Variants in FHOD3 observed in about 807,000 individuals in gnomAD.
FHOD3 encodes formin homology 2 domain containing 3, also known as FH1/FH2 domain-containing protein 3.
A neutral mutation model predicts 173.0 loss-of-function variants in FHOD3; 90 were observed. The ratio of observed to expected loss-of-function variants is 0.52; its 90% CI spans 0.44 to 0.62. The LOEUF (loss-of-function observed/expected upper bound fraction) is 0.62, where lower values mean the gene tolerates loss of function less well. Ranked by LOEUF, FHOD3 falls within the 20% of genes least tolerant of loss-of-function variation. The pLI is 0.00. For missense variants in FHOD3, 1,945 were observed against 2,034.7 expected (o/e 0.96, Z 0.85); for synonymous variants, 828 against 823.0 (o/e 1.01, Z -0.10).
At chr18:36,757,768 C>G (rs2042693904) in intron 25 of FHOD3, among the ~76,000 whole-genome samples, 1 of 152,180 alleles carries the variant, frequency 6.6e-6, no homozygotes, top group Non-Finnish European at 1.5e-5. Context: ...GGGGTCCTCC[C>G]AGGCCAGGAT....
intron 1 of FHOD3, among the ~76,000 whole-genome samples, chr18:36,355,020 A>C (rs1360442218): frequency 1.3e-5 from 2 of 152,178 alleles, no homozygotes; most frequent in Non-Finnish European, 2.9e-5. Flanking sequence ...ATTGCCATTC[A>C]GTTGGAGGAT....
chr18:36,409,098 C>T (rs1266323292), intron 3 of FHOD3, among the ~76,000 whole-genome samples: 3 of 152,212 alleles, frequency 2.0e-5, no homozygotes, highest in South Asian at 4.1e-4. Context: ...AGTCTTGCGG[C>T]CCGGCAAATT....
At chr18:36,661,783 A>G (rs897237755) in intron 14 of FHOD3, among the ~76,000 whole-genome samples, 1 of 152,232 alleles carries the variant, frequency 6.6e-6, no homozygotes, top group Non-Finnish European at 1.5e-5. Flanking sequence ...AAATTAAGTC[A>G]AGGATATTAA....
intron 3 of FHOD3, among the ~76,000 whole-genome samples, chr18:36,466,888 G>GT: frequency 6.6e-6 from 1 of 150,502 alleles, no homozygotes; most frequent in Non-Finnish European, 1.5e-5. Context: ...TTTGGCTATT[G>GT]TTTTAGGCTA....
At chr18:36,389,257 T>A (rs966278548) in intron 3 of FHOD3, among the ~76,000 whole-genome samples, 5 of 152,068 alleles carry the variant, frequency 3.3e-5, no homozygotes, top group Non-Finnish European at 7.4e-5. Context: ...TTTCCTTTTT[T>A]CCTTTCTTCT....
intron 1 of FHOD3, among the ~76,000 whole-genome samples, chr18:36,307,764 C>G (rs2092141639): frequency 6.6e-6 from 1 of 152,156 alleles, no homozygotes; most frequent in African/African-American, 2.4e-5. Context: ...AAGGATTTCT[C>G]CCTTATACAA....
At chr18:36,594,929 A>T (rs369669136) in intron 7 of FHOD3, 31 bp downstream of exon 7, 3 of 1,420,510 alleles carry the variant, frequency 2.1e-6, no homozygotes, top group Non-Finnish European at 3.0e-6. Context: ...TATGTCATGA[A>T]GGTGAAGGTG....
At chr18:36,688,823 G>A (rs578174510) in intron 16 of FHOD3, among the ~76,000 whole-genome samples, 15 of 152,302 alleles carry the variant, frequency 9.8e-5, no homozygotes, top group African/African-American at 3.6e-4. Flanking sequence ...CCCAAACCAC[G>A]GAAGTCCAGC....
intron 3 of FHOD3, among the ~76,000 whole-genome samples, chr18:36,405,715 G>C (rs1401085953): frequency 6.6e-6 from 1 of 152,212 alleles, no homozygotes. Context: ...CTAGCTGTGA[G>C]GACATGTTTA....
intron 27 of FHOD3, among the ~76,000 whole-genome samples, chr18:36,765,233 C>T (rs1327217538): frequency 2.0e-5 from 3 of 152,072 alleles, no homozygotes; most frequent in Non-Finnish European, 4.4e-5. Context: ...GAGTAAGCAC[C>T]TTGAACAGAT....
chr18:36,624,314 G>A (rs2033929579), intron 9 of FHOD3, among the ~76,000 whole-genome samples: 1 of 152,200 alleles, frequency 6.6e-6, no homozygotes, highest in Non-Finnish European at 1.5e-5. Context: ...CATTTGGTGA[G>A]CCAGAGAGGG....
chr18:36,423,577 T>G (rs2050097864), intron 3 of FHOD3, among the ~76,000 whole-genome samples: 1 of 152,182 alleles, frequency 6.6e-6, no homozygotes, highest in South Asian at 2.1e-4. Flanking sequence ...CTTGCCTTAT[T>G]ATAGTGAACA....
At chr18:36,484,498 T>G (rs2054090619) in intron 3 of FHOD3, among the ~76,000 whole-genome samples, 1 of 152,094 alleles carries the variant, frequency 6.6e-6, no homozygotes, top group South Asian at 2.1e-4. Flanking sequence ...TATTAACTGG[T>G]GAAATAATAC....
intron 28 of FHOD3, among the ~76,000 whole-genome samples, chr18:36,770,084 C>G (rs1234302236): frequency 6.6e-6 from 1 of 152,216 alleles, no homozygotes. Context: ...GTCTGCCCCT[C>G]TCAGGGACAG....
chr18:36,770,876 G>T (rs1201478668), intron 28 of FHOD3, among the ~76,000 whole-genome samples: 1 of 152,112 alleles, frequency 6.6e-6, no homozygotes, highest in East Asian at 1.9e-4. Flanking sequence ...ATTAGGTGTG[G>T]GCTCTCTCTT....
chr18:36,363,272 C>A (rs1428431212), intron 2 of FHOD3, among the ~76,000 whole-genome samples: 1 of 152,308 alleles, frequency 6.6e-6, no homozygotes, highest in Non-Finnish European at 1.5e-5. Context: ...GCTTACCATA[C>A]AATTTGGCAA....
At chr18:36,308,462 G>A (rs2092161332) in intron 1 of FHOD3, among the ~76,000 whole-genome samples, 1 of 152,136 alleles carries the variant, frequency 6.6e-6, no homozygotes. Flanking sequence ...ACTGACACTT[G>A]AACTCAGAAT....
intron 5 of FHOD3, among the ~76,000 whole-genome samples, chr18:36,575,974 A>G (rs1331026786): frequency 6.6e-6 from 1 of 152,190 alleles, no homozygotes. Flanking sequence ...TTGCTGACCT[A>G]TTGGAATAAA....
chr18:36,623,259 T>C (rs1242549623), intron 9 of FHOD3, among the ~76,000 whole-genome samples: 1 of 152,258 alleles, frequency 6.6e-6, no homozygotes, highest in East Asian at 1.9e-4. Context: ...GATCCTTGGA[T>C]CTCTGAGGTT....
Sources: allele counts gnomAD v4.1 joint callset (sites outside exome capture counted in the v4.1 genomes callset), GRCh38; gene constraint gnomAD v4.1.1; transcripts MANE v1.5; gene names NCBI Gene and HGNC (gene_info 2026-07-23, HGNC 2026-07-21).